The following BCAP29 variants were observed in gnomAD, a reference collection of about 807,000 sequenced individuals.
BCAP29 encodes B cell receptor associated protein 29.
BCAP29 carries 34 observed loss-of-function variants against 31.8 expected under a neutral mutation model. The observed-to-expected ratio is 1.07, with a 90% CI of 0.81 to 1.42. The LOEUF (loss-of-function observed/expected upper bound fraction) is 1.42. BCAP29 is among the 40% of genes most tolerant of loss of function. The probability of loss-of-function intolerance (pLI) is 0.00; values close to 1 mark genes in which losing one functional copy is unlikely to be tolerated. For missense variants in BCAP29, 314 were observed against 269.2 expected (o/e 1.17, Z -1.16); for synonymous variants, 104 against 91.3 (o/e 1.14, Z -0.79).
At chr7:107,593,298 C>T (rs1025402432) in intron 3 of BCAP29, among the ~76,000 whole-genome samples, 1 of 152,144 alleles carries the variant, frequency 6.6e-6, no homozygotes, top group Non-Finnish European at 1.5e-5. Flanking sequence ...AATGTAGACC[C>T]TTATAAGCTG....
rs542163419 is a variant in BCAP29 at position 107,582,528 on chromosome 7, G to C, written c.93-1354G>C. 1.9e-3 allele frequency among the ~76,000 whole-genome samples: 284 copies of C among 152,156 alleles called. 2 individuals carry two copies. Among genetic ancestry groups the C allele is most frequent in the African/African-American group, 6.7e-3 (276 of 41,498 alleles). ...GTTAAAGGCACATGCTCAGAAATCA[G>C]GTCACCTATAACTGCATGTTACTAA... On this transcript the variant is annotated intron_variant, in intron 2 of 7. Coordinates refer to ENST00000005259, the MANE Select transcript of BCAP29 (RefSeq NM_018844.4).
intron 3 of BCAP29, among the ~76,000 whole-genome samples, chr7:107,584,934 G>A (rs534607009): frequency 2.6e-5 from 4 of 152,114 alleles, no homozygotes; most frequent in Non-Finnish European, 5.9e-5. Context: ...GTCTGTACTC[G>A]TTTTTCAGCA....
intron 7 of BCAP29, chr7:107,616,022 G>A (rs1562800564): frequency 6.6e-6 from 1 of 152,232 alleles, no homozygotes; most frequent in Non-Finnish European, 1.5e-5. Context: ...ATGTTCTTTG[G>A]CCTTTGCTGA....
intron 6 of BCAP29, among the ~76,000 whole-genome samples, chr7:107,601,360 G>C (rs530329819): frequency 6.6e-6 from 1 of 152,226 alleles, no homozygotes; most frequent in South Asian, 2.1e-4. Context: ...ATTTGAATTT[G>C]AGATGAAAAA....
At chr7:107,592,524 G>T (rs961543323) in intron 3 of BCAP29, among the ~76,000 whole-genome samples, 1 of 152,184 alleles carries the variant, frequency 6.6e-6, no homozygotes, top group Non-Finnish European at 1.5e-5. Context: ...ATACAGTTTG[G>T]CAGTTCCTCA....
chr7:107,619,703 A>G lies in BCAP29; in HGVS notation c.*1340A>G, dbSNP rs1055822363. 21 of 152,188 alleles carry G rather than the reference A, an allele frequency of 1.4e-4. No individual in the cohort carries two copies. Among genetic ancestry groups the G allele is most frequent in the African/African-American group, 4.8e-4 (20 of 41,454 alleles). 9.4% of individuals were successfully genotyped at this position (152,188 alleles called of 1,614,324 possible). A position where few individuals can be genotyped will look rare whatever the true frequency, so the allele number is the denominator to read the frequency against. ...AATAACAAGAAAAGGGAGTGCTGAA[A>G]TAGGAGAGAACAGAGCAAATGTTAG... On this transcript the variant is annotated 3_prime_UTR_variant, in exon 8 of 8. Coordinates refer to ENST00000005259, the MANE Select transcript of BCAP29 (RefSeq NM_018844.4).
intron 3 of BCAP29, among the ~76,000 whole-genome samples, chr7:107,590,034 C>T (rs1808435973): frequency 1.3e-5 from 2 of 151,944 alleles, no homozygotes; most frequent in African/African-American, 4.8e-5. Context: ...GTTAGTAATC[C>T]TTGGGTCAAA....
At chr7:107,593,233 T>C (rs1168851919) in intron 3 of BCAP29, among the ~76,000 whole-genome samples, 5 of 152,216 alleles carry the variant, frequency 3.3e-5, no homozygotes, top group African/African-American at 1.2e-4. Flanking sequence ...TGAGACCTTA[T>C]AAGGCAGATG....
chr7:107,602,194 T>G (rs1218176179), intron 6 of BCAP29, among the ~76,000 whole-genome samples: 6 of 152,202 alleles, frequency 3.9e-5, no homozygotes, highest in Non-Finnish European at 8.8e-5. Context: ...ATTTTACCTG[T>G]TCGAGTGTGT....
At chr7:107,612,714 T>C (rs577685648) in intron 6 of BCAP29, among the ~76,000 whole-genome samples, 35 of 151,976 alleles carry the variant, frequency 2.3e-4, no homozygotes, top group Non-Finnish European at 3.8e-4. Context: ...TATATTCATA[T>C]GTAAGTGGAT....
chr7:107,617,582 G>A (rs1409036786), intron 7 of BCAP29, among the ~76,000 whole-genome samples: 2 of 152,162 alleles, frequency 1.3e-5, no homozygotes, highest in East Asian at 1.9e-4. Context: ...TAAGGGACTT[G>A]TCCATAATAG....
At chr7:107,606,308 T>C (rs1415632101) in intron 6 of BCAP29, among the ~76,000 whole-genome samples, 1 of 152,228 alleles carries the variant, frequency 6.6e-6, no homozygotes, top group Admixed American at 6.5e-5. Context: ...TTAATGTCTA[T>C]TATATAGCTC....
At chr7:107,604,540 A>G (rs1811729418) in intron 6 of BCAP29, among the ~76,000 whole-genome samples, 1 of 152,190 alleles carries the variant, frequency 6.6e-6, no homozygotes, top group Non-Finnish European at 1.5e-5. Flanking sequence ...TACCCTAAGC[A>G]TGTTTTACAG....
At chr7:107,600,074 A>G (rs1445951108) in intron 5 of BCAP29, among the ~76,000 whole-genome samples, 4 of 152,046 alleles carry the variant, frequency 2.6e-5, no homozygotes, top group African/African-American at 7.2e-5. Context: ...TTTCCCTTAG[A>G]TTTACATTTC....
chr7:107,613,829 A>G, intron 7 of BCAP29: 2 of 837,366 alleles, frequency 2.4e-6, no homozygotes, highest in Non-Finnish European at 3.9e-6. Context: ...AGTGTTTTAG[A>G]CATATTAGGA....
intron 2 of BCAP29, among the ~76,000 whole-genome samples, chr7:107,581,123 G>A (rs961533107): frequency 1.3e-5 from 2 of 152,140 alleles, no homozygotes; most frequent in Non-Finnish European, 2.9e-5. Flanking sequence ...ATATAATAAA[G>A]CAACGATTAT....
chr7:107,607,730 A>G (rs1418285119), intron 6 of BCAP29, among the ~76,000 whole-genome samples: 2 of 144,690 alleles, frequency 1.4e-5, no homozygotes, highest in African/African-American at 5.2e-5. Flanking sequence ...TCCGCCCCCC[A>G]GGTCCCGGTT....
chr7:107,612,467 A>G (rs534350666), intron 6 of BCAP29, among the ~76,000 whole-genome samples: 1 of 136,256 alleles, frequency 7.3e-6, no homozygotes, highest in Non-Finnish European at 1.5e-5. Flanking sequence ...TAAGGCCCTG[A>G]ATCTGCTGAC....
At chr7:107,585,740 A>G (rs939625037) in intron 3 of BCAP29, among the ~76,000 whole-genome samples, 2 of 152,216 alleles carry the variant, frequency 1.3e-5, no homozygotes, top group African/African-American at 4.8e-5. Context: ...CTGTAATCTC[A>G]GCACTTCGAA....
Sources: allele counts gnomAD v4.1 joint callset (sites outside exome capture counted in the v4.1 genomes callset), GRCh38; gene constraint gnomAD v4.1.1; transcripts MANE v1.5; gene names NCBI Gene and HGNC (gene_info 2026-07-23, HGNC 2026-07-21).